NBAS: variants seen among roughly 807,000 people sequenced by gnomAD.
The protein encoded by NBAS is NAG/BC035112 fusion.
In NBAS, 219 loss-of-function variants were observed where a neutral mutation model predicts 302.5. That is an observed-to-expected ratio of 0.72 (90% confidence interval 0.65 to 0.81). NBAS has a LOEUF of 0.81. Ranked by LOEUF, NBAS falls within the 30% of genes least tolerant of loss-of-function variation. The pLI, the probability that NBAS is intolerant of heterozygous loss-of-function variation, is 0.00. For synonymous variants in NBAS, 1,118 were observed against 1,021.6 expected, an observed-to-expected ratio of 1.09 and a Z score of -1.80; for missense variants, 2,932 against 2,841.6, an observed-to-expected ratio of 1.03 and a Z score of -0.72.
the NBAS span, among the ~76,000 whole-genome samples, chr2:14,785,732 T>C: frequency 1.3e-5 from 2 of 152,240 alleles, no homozygotes; most frequent in Non-Finnish European, 2.9e-5. Context: ...CAGTATTTTA[T>C]TGAGGATTTT....
rs1364624018 is a variant in NBAS, at chr2:15,511,370, T to A, written c.747-20A>T. ...AAAAGTCTAAAAAGGAGAAAATTTTTAAAAATCGATAAATTGCAAATATAA... is the reference window on the plus strand; with the variant it reads ...AAAAGTCTAAAAAGGAGAAAATTTTAAAAAATCGATAAATTGCAAATATAA... On this transcript the variant is annotated intron_variant, in intron 9 of 51. Coordinates refer to ENST00000281513, the MANE Select transcript of NBAS (RefSeq NM_015909.4). The A allele has an allele frequency of 2.5e-6, 4 of 1,607,552 alleles. No homozygotes were observed. Among genetic ancestry groups the A allele is most frequent in the Non-Finnish European group, 2.6e-6 (3 of 1,174,548 alleles).
chr2:14,806,553 T>TCACA, the NBAS span, among the ~76,000 whole-genome samples: 2 of 152,196 alleles, frequency 1.3e-5, no homozygotes, highest in Non-Finnish European at 2.9e-5. Context: ...CACAGACCCC[T>TCACA]CAGAGTCCCC....
intron 11 of NBAS, among the ~76,000 whole-genome samples, chr2:15,496,523 A>G (rs1037484596): frequency 1.3e-5 from 2 of 152,192 alleles, no homozygotes; most frequent in African/African-American, 4.8e-5. Flanking sequence ...ATTAAACCAC[A>G]TATTTGTTTG....
the NBAS span, among the ~76,000 whole-genome samples, chr2:15,136,172 A>C: frequency 6.6e-6 from 1 of 152,200 alleles, no homozygotes; most frequent in Admixed American, 6.5e-5. Context: ...TTGTCTCTCT[A>C]TATAGCCTAT....
intron 2 of NBAS, among the ~76,000 whole-genome samples, chr2:15,557,097 TTAATC>T (rs1244889137): frequency 6.6e-6 from 1 of 152,148 alleles, no homozygotes; most frequent in African/African-American, 2.4e-5. Context: ...GATGTTAAAT[TTAATC>T]TAAGAAGCTT....
chr2:15,138,740 C>T, the NBAS span, among the ~76,000 whole-genome samples: 2 of 151,940 alleles, frequency 1.3e-5, no homozygotes, highest in South Asian at 4.1e-4. Flanking sequence ...CATTTCATGG[C>T]TAATTTCTTC....
chr2:14,806,208 T>TG, the NBAS span, among the ~76,000 whole-genome samples: 2 of 152,164 alleles, frequency 1.3e-5, no homozygotes, highest in East Asian at 3.9e-4. Flanking sequence ...GCACTGCTGG[T>TG]CCAGGGACCA....
the NBAS span, among the ~76,000 whole-genome samples, chr2:14,982,959 G>T: frequency 3.3e-4 from 50 of 152,100 alleles, no homozygotes; most frequent in African/African-American, 1.1e-3. Context: ...AATTATCTGT[G>T]GAAAGAGGAA....
the NBAS span, among the ~76,000 whole-genome samples, chr2:14,925,227 TC>T: frequency 2.6e-5 from 4 of 152,156 alleles, no homozygotes; most frequent in Non-Finnish European, 5.9e-5. Flanking sequence ...TCCCATTATG[TC>T]CTCTCCTTTT....
intron 40 of NBAS, 137 bp downstream of exon 40, chr2:15,308,079 C>G: frequency 7.5e-7 from 1 of 1,334,020 alleles, no homozygotes; most frequent in African/African-American, 1.5e-5. Flanking sequence ...TACAGGAAAG[C>G]CAAGAGCTGC....
At chr2:14,845,580 C>T in the NBAS span, among the ~76,000 whole-genome samples, 5 of 152,122 alleles carry the variant, frequency 3.3e-5, no homozygotes, top group Admixed American at 3.3e-4. Flanking sequence ...GGGACCAATC[C>T]TGGAGAAACA....
chr2:15,286,946 C>T, intron 42 of NBAS, 127 bp downstream of exon 42: 1 of 717,814 alleles, frequency 1.4e-6, no homozygotes, highest in East Asian at 2.6e-5. Flanking sequence ...AAGAACTTAC[C>T]AAGACACTAG....
chr2:15,542,522 C>T (rs1295719712), intron 6 of NBAS, among the ~76,000 whole-genome samples: 2 of 144,516 alleles, frequency 1.4e-5, no homozygotes, highest in African/African-American at 5.2e-5. Flanking sequence ...CCTAGGAAAA[C>T]CAGAGACCTT....
At chr2:15,277,948 A>G (rs572392714) in intron 42 of NBAS, among the ~76,000 whole-genome samples, 1 of 152,186 alleles carries the variant, frequency 6.6e-6, no homozygotes, top group South Asian at 2.1e-4. Context: ...TAATTGTAAG[A>G]GTCCTTCAGG....
chr2:14,980,657 T>C, the NBAS span, among the ~76,000 whole-genome samples: 5 of 149,798 alleles, frequency 3.3e-5, no homozygotes, highest in South Asian at 2.1e-4. Flanking sequence ...TAACACTAAA[T>C]GTGAATAGGC....
the NBAS span, among the ~76,000 whole-genome samples, chr2:14,931,745 G>T: frequency 3.9e-5 from 6 of 152,142 alleles, no homozygotes; most frequent in Non-Finnish European, 8.8e-5. Flanking sequence ...GCCCCAACAG[G>T]ATTCCACCTG....
chr2:15,439,993 A>G (rs1295095236), intron 21 of NBAS, among the ~76,000 whole-genome samples: 2 of 152,256 alleles, frequency 1.3e-5, no homozygotes, highest in Admixed American at 6.5e-5. Context: ...TAGGTAAACA[A>G]AGCAGGCGGG....
chr2:14,852,511 G>A, the NBAS span, among the ~76,000 whole-genome samples: 1 of 106,590 alleles, frequency 9.4e-6, no homozygotes, highest in South Asian at 2.9e-4. Flanking sequence ...GTAATTTATA[G>A]ATTCAATGCC....
the NBAS span, among the ~76,000 whole-genome samples, chr2:14,876,061 G>A: frequency 6.6e-6 from 1 of 152,176 alleles, no homozygotes; most frequent in Non-Finnish European, 1.5e-5. Flanking sequence ...TTTGCATCCT[G>A]TAGGCCTTTA....
Sources: gnomAD v4.1 joint callset for allele counts (sites outside exome capture counted in the v4.1 genomes callset) on GRCh38, gnomAD v4.1.1 for gene constraint, MANE v1.5 for transcripts, NCBI Gene and HGNC (gene_info 2026-07-23, HGNC 2026-07-21) for gene names.